MRPL19: variants seen among roughly 807,000 people sequenced by gnomAD.
MRPL19 encodes large ribosomal subunit protein bL19m.
In MRPL19, 31 loss-of-function variants were observed where a neutral mutation model predicts 34.0. The ratio of observed to expected loss-of-function variants is 0.91; its 90% CI spans 0.68 to 1.23. The LOEUF is 1.23. Among genes scored for constraint, MRPL19 ranks in the 50% most tolerant of loss-of-function variants. The pLI is 0.00. For missense variants in MRPL19, 384 were observed against 367.6 expected, an observed-to-expected ratio of 1.04 and a Z score of -0.37; for synonymous variants, 152 against 127.7, an observed-to-expected ratio of 1.19 and a Z score of -1.28.
chr2:75,646,820 A>T lies in MRPL19; in HGVS notation c.13A>T (p.Ile5Phe). The change falls in exon 1 of 6, where the codon ATT (isoleucine) becomes TTT (phenylalanine). Residue 5 changes from isoleucine to phenylalanine, a missense_variant. Physicochemically the swap from Ile to Phe is conservative, Grantham distance 21. Coordinates refer to ENST00000393909, the MANE Select transcript of MRPL19 (RefSeq NM_014763.4). MAAC[I>F]AAGHWAAMGL... ...TGAGCTAGCTGGCATGGCGGCCTGC[A>T]TTGCAGCGGGGCACTGGGCTGCAAT... 8.4e-6 allele frequency: 13 copies of T among 1,551,288 alleles called. No individual in the cohort carries two copies. Among genetic ancestry groups the T allele is most frequent in the Non-Finnish European group, 1.0e-5 (12 of 1,148,284 alleles).
chr2:75,654,289 C>T (rs192673249), intron 4 of MRPL19, among the ~76,000 whole-genome samples: 65 of 152,242 alleles, frequency 4.3e-4, no homozygotes, highest in Admixed American at 3.9e-3. Context: ...ATCCACTAAT[C>T]CTTAATCAAA....
Position 75,646,877 on chromosome 2 carries a change from A to G in MRPL19, c.70A>G (p.Thr24Ala). 1 of 1,595,582 alleles carries G rather than the reference A, an allele frequency of 6.3e-7. No individual in the cohort carries two copies. Among genetic ancestry groups the G allele is most frequent in the Non-Finnish European group, 8.5e-7 (1 of 1,171,734 alleles). ...GLGRSFQAARTLLPPPASIAC... is the reference protein window; with the variant it reads ...GLGRSFQAARALLPPPASIAC... ...AGGCCGGAGTTTCCAAGCCGCCAGG[A>G]CTCTGCTCCCCCCGCCGGCCTCTAT... The change falls in exon 1 of 6, where the codon ACT (threonine) becomes GCT (alanine). Residue 24 changes from threonine to alanine, a missense_variant. By Grantham distance (58) the Thr-to-Ala change is moderately conservative. Transcript: ENST00000393909.
Position 75,658,872 on chromosome 2 carries a change from CT to C in MRPL19, c.*3592del, listed in dbSNP as rs1007991225. Among the ~76,000 whole-genome samples the C allele has an allele frequency of 1.2e-4, 18 of 152,074 alleles. No individual in the cohort carries two copies. Among genetic ancestry groups the C allele is most frequent in the African/African-American group, 4.3e-4 (18 of 41,498 alleles). On this transcript the variant is annotated 3_prime_UTR_variant, in exon 6 of 6. Coordinates refer to ENST00000393909, the MANE Select transcript of MRPL19 (RefSeq NM_014763.4). ...TTAAAAAAATTTTTGCACAGAGTAT[CT>C]TTTTCTATGTGTTCCATGTATTTGT... is the stretch of plus-strand genomic sequence containing the variant.
Position 75,646,853 on chromosome 2 carries a change from G to A in MRPL19, c.46G>A (p.Gly16Ser). The stretch of plus-strand genomic sequence containing the variant: ...GGGGCACTGGGCTGCAATGGGCCTA[G>A]GCCGGAGTTTCCAAGCCGCCAGGAC... ...AAGHWAAMGL[G>S]RSFQAARTLL... Residue 16 changes from glycine (G) to serine (S), a missense_variant, in exon 1 of 6, where the codon GGC (glycine) becomes AGC (serine). Gly to Ser is a moderately conservative substitution (Grantham distance 56). Transcript: ENST00000393909. 6.3e-7 allele frequency: 1 copy of A among 1,597,304 alleles called. No individual in the cohort carries two copies. Among genetic ancestry groups the A allele is most frequent in the Non-Finnish European group, 8.5e-7 (1 of 1,172,656 alleles).
rs1263588876 is a variant in MRPL19, at chr2:75,660,936, A to T, written c.*5651A>T. 2 of 152,182 alleles carry T rather than the reference A, an allele frequency of 1.3e-5. No homozygotes were observed. Among genetic ancestry groups the T allele is most frequent in the Non-Finnish European group, 2.9e-5 (2 of 68,036 alleles). The allele number at this position is 152,182 out of a possible 1,614,324, so 9.4% of individuals were successfully genotyped here. On this transcript the variant is annotated 3_prime_UTR_variant, in exon 6 of 6. Transcript: ENST00000393909. ...ACAGAACATAGATGGTTTTTTGGAT[A>T]TCTTGACCATAGTCTTTCGACCCAG...
intron 2 of MRPL19, among the ~76,000 whole-genome samples, chr2:75,648,093 A>G (rs971585997): frequency 2.6e-5 from 4 of 152,098 alleles, no homozygotes; most frequent in African/African-American, 9.7e-5. Context: ...ACGGATTTAA[A>G]TAGAAGTAAA....
intron 5 of MRPL19, 34 bp from the exon 6 acceptor site, chr2:75,655,030 C>CTTTTTTTT (rs35367062): frequency 1.7e-6 from 2 of 1,156,794 alleles, no homozygotes; most frequent in South Asian, 1.7e-5. Flanking sequence ...CTAATTATTG[C>CTTTTTTTT]TTTTTTTTTT....
In MRPL19 at chr2:75,658,911, A is replaced by G. The variant is rs926447676; in HGVS notation, c.*3626A>G. On this transcript the variant is annotated 3_prime_UTR_variant, in exon 6 of 6. Transcript: ENST00000393909. ...TCCATGTATTTGTGTCTTTGGAGCT[A>G]TAGTCTCTTGTAGACAGCATATCAC... Among the ~76,000 whole-genome samples the G allele has an allele frequency of 6.6e-6, 1 of 150,834 alleles. No homozygotes were observed. The highest frequency in any genetic ancestry group is 2.1e-4 in the South Asian group (1 of 4,782).
Position 75,651,822 on chromosome 2 carries a change from A to G in MRPL19, c.222-320A>G, listed in dbSNP as rs376210004. 3.9e-5 allele frequency among the ~76,000 whole-genome samples: 6 copies of G among 152,336 alleles called. No homozygotes were observed. The East Asian group carries it at 9.6e-4, about 24-fold the overall frequency. ...TGACAGATTTATAGCTAATGTAGCA[A>G]TGGGTTAGTTATTTACCTTTTTCAA... On this transcript the variant is annotated intron_variant, in intron 2 of 5. Coordinates refer to ENST00000393909, the MANE Select transcript of MRPL19 (RefSeq NM_014763.4).
chr2:75,652,426 C>G (rs1024454625), intron 3 of MRPL19, 97 bp from the exon 4 acceptor site: 1 of 1,444,890 alleles, frequency 6.9e-7, no homozygotes, highest in African/African-American at 1.4e-5. Flanking sequence ...GTTAAGTTAT[C>G]TAGAAATGCT....
chr2:75,646,889 C>T lies in MRPL19; in HGVS notation c.82C>T (p.Pro28Ser), dbSNP rs11552948. The T allele has an allele frequency of 4.3e-5, 69 of 1,594,376 alleles. No individual in the cohort carries two copies. The highest frequency in any genetic ancestry group is 3.3e-4 in the South Asian group (29 of 87,922). Residue 28 changes from proline (P) to serine (S), a missense_variant, in exon 1 of 6, where the codon CCG becomes TCG. Pro to Ser is a moderately conservative substitution (Grantham distance 74). Transcript: ENST00000393909. Reference sequence around the variant, plus strand: ...CCAAGCCGCCAGGACTCTGCTCCCCCCGCCGGCCTCTATCGCCTGCAGTAA... The same window carrying T: ...CCAAGCCGCCAGGACTCTGCTCCCCTCGCCGGCCTCTATCGCCTGCAGTAA... ...SFQAARTLLPPPASIACRVHA... is the reference protein window; with the variant it reads ...SFQAARTLLPSPASIACRVHA...
At chr2:75,647,972 A>C (rs1255441505) in intron 2 of MRPL19, among the ~76,000 whole-genome samples, 2 of 151,836 alleles carry the variant, frequency 1.3e-5, no homozygotes, top group South Asian at 2.1e-4. Flanking sequence ...TGCAGCCTCA[A>C]ATTTCTGGGC....
At position 75,660,076 on chromosome 2, in the gene MRPL19, T is replaced by C. The variant is rs1573032336; in HGVS notation, c.*4791T>C. ...GTTCCTCAGACTTGATTATTGCAGT[T>C]GCCCTTCTTTTTATTTTTTTCAAGT... On this transcript the variant is annotated 3_prime_UTR_variant, in exon 6 of 6. Transcript: ENST00000393909. Among the ~76,000 whole-genome samples the C allele has an allele frequency of 6.6e-6, 1 of 152,280 alleles. No individual in the cohort carries two copies. Among genetic ancestry groups the C allele is most frequent in the Admixed American group, 6.5e-5 (1 of 15,288 alleles).
In MRPL19 at chr2:75,646,883, C is replaced by T. The variant is rs942435161; in HGVS notation, c.76C>T (p.Leu26Phe). Residue 26 changes from leucine (L) to phenylalanine (F), a missense_variant, in exon 1 of 6, where the codon CTC becomes TTC. Leu to Phe is a conservative substitution (Grantham distance 22, BLOSUM62 0). Coordinates refer to ENST00000393909, the MANE Select transcript of MRPL19 (RefSeq NM_014763.4). The part of the protein sequence containing the change: ...GRSFQAARTL[L>F]PPPASIACRV... ...GAGTTTCCAAGCCGCCAGGACTCTG[C>T]TCCCCCCGCCGGCCTCTATCGCCTG... The T allele has an allele frequency of 3.1e-6, 5 of 1,591,528 alleles. No individual in the cohort carries two copies. Among genetic ancestry groups the T allele is most frequent in the Admixed American group, 1.8e-5 (1 of 56,738 alleles).
At position 75,660,612 on chromosome 2, in the gene MRPL19, C is replaced by T. The variant is rs778125878; in HGVS notation, c.*5327C>T. ...CTTCTGTGTGTCATCACTGAAGTCTCTGTTCCTTAGTTTGTGTTTAATAGT... is the reference window on the plus strand; with the variant it reads ...CTTCTGTGTGTCATCACTGAAGTCTTTGTTCCTTAGTTTGTGTTTAATAGT... On this transcript the variant is annotated 3_prime_UTR_variant, in exon 6 of 6. Coordinates refer to ENST00000393909, the MANE Select transcript of MRPL19 (RefSeq NM_014763.4). 5 of 152,192 alleles carry T rather than the reference C, an allele frequency of 3.3e-5. No individual in the cohort carries two copies. Among genetic ancestry groups the T allele is most frequent in the Non-Finnish European group, 7.3e-5 (5 of 68,040 alleles). 9.4% of individuals were successfully genotyped at this position (152,192 alleles called of 1,614,324 possible). A position where few individuals can be genotyped will look rare whatever the true frequency, so the allele number is the denominator to read the frequency against.
chr2:75,647,245 C>A lies in MRPL19; in HGVS notation c.221+26C>A, dbSNP rs1054707255. 27 of 1,556,800 alleles carry A rather than the reference C, an allele frequency of 1.7e-5. No homozygotes were observed. In the Admixed American group the frequency reaches 4.2e-4, roughly 24 times the overall value. On this transcript the variant is annotated intron_variant, in intron 2 of 5. Transcript: ENST00000393909. ...GTGAGGCACTGCCCTGGCGCTAGGC[C>A]GGCAACTGGGGTCGGTGCGCGCGTG... is the stretch of plus-strand genomic sequence containing the variant.
Position 75,655,278 on chromosome 2 carries a change from G to T in MRPL19, c.872G>T (p.Arg291Met). 6.2e-7 allele frequency: 1 copy of T among 1,610,580 alleles called. No individual in the cohort carries two copies. Among genetic ancestry groups the T allele is most frequent in the Non-Finnish European group, 8.5e-7 (1 of 1,178,000 alleles). Residue 291 changes from arginine to methionine, a missense_variant, in exon 6 of 6, where the codon AGG (arginine) becomes ATG (methionine). Transcript: ENST00000393909. ...TGGAAGGAAATTGAAGCGTCGAAAA[G>T]GTCTTGATTCTGAGAATGAATTTGG... ...AIWKEIEASKRS is the reference protein window; with the variant it reads ...AIWKEIEASKMS
At position 75,658,096 on chromosome 2, in the gene MRPL19, AC is replaced by A. The variant is rs1678505582; in HGVS notation, c.*2812del. On this transcript the variant is annotated 3_prime_UTR_variant, in exon 6 of 6. Transcript: ENST00000393909. ...TCAAATCTTTCTTTTTATCTTTGAG[AC>A]AAGGTCTCATTCTATCACTCAGGTA... 1.3e-5 allele frequency among the ~76,000 whole-genome samples: 2 copies of A among 152,030 alleles called. No individual in the cohort carries two copies. The highest frequency in any genetic ancestry group is 4.8e-5 in the African/African-American group (2 of 41,408).
Position 75,652,465 on chromosome 2 carries a change from G to C in MRPL19, c.341-58G>C. 9 of 1,573,640 alleles carry C rather than the reference G, an allele frequency of 5.7e-6. No individual in the cohort carries two copies. The South Asian group carries it at 9.4e-5, about 16-fold the overall frequency. ...TGTTTGTTTCTGCATCTTATATAAA[G>C]TTTACTTCTCAGCTGGGTGTGCTGA... On this transcript the variant is annotated intron_variant, in intron 3 of 5. Coordinates refer to ENST00000393909, the MANE Select transcript of MRPL19 (RefSeq NM_014763.4).
Sources: gnomAD v4.1 joint callset for allele counts (sites outside exome capture counted in the v4.1 genomes callset) on GRCh38, gnomAD v4.1.1 for gene constraint, MANE v1.5 for transcripts, NCBI Gene and HGNC (gene_info 2026-07-23, HGNC 2026-07-21) for gene names.